STIMATE: variants seen among roughly 807,000 people sequenced by gnomAD.
STIMATE encodes store-operated calcium entry regulator STIMATE.
STIMATE carries 15 observed loss-of-function variants against 36.7 expected under a neutral mutation model. The ratio of observed to expected loss-of-function variants is 0.41; its 90% confidence interval spans 0.27 to 0.63. The LOEUF is 0.63. STIMATE is among the 20% of genes least tolerant of loss of function. STIMATE has a pLI of 0.32. For synonymous variants in STIMATE, 163 were observed against 162.3 expected (o/e 1.00, Z -0.03); for missense variants, 305 against 397.3 (o/e 0.77, Z 1.98).
intron 5 of STIMATE, 24 bp from the exon 6 acceptor site, chr3:52,843,822 G>C (rs770155066): frequency 6.2e-7 from 1 of 1,605,558 alleles, no homozygotes; most frequent in South Asian, 1.1e-5. Context: ...CAGACTCAGT[G>C]AGGTAGGGAG....
intron 1 of STIMATE, among the ~76,000 whole-genome samples, chr3:52,857,703 TTTATAA>T (rs1385055576): frequency 4.0e-5 from 6 of 150,890 alleles, no homozygotes; most frequent in South Asian, 2.1e-4. Context: ...TATAAATGGT[TTTATAA>T]TTATAAGTAA....
intron 1 of STIMATE, among the ~76,000 whole-genome samples, chr3:52,894,760 C>G (rs1032503229): frequency 6.6e-6 from 1 of 152,160 alleles, no homozygotes; most frequent in Admixed American, 6.5e-5. Flanking sequence ...ATAGTGTTGG[C>G]CATCAGGACT....
At chr3:52,865,495 G>A (rs1388806166) in intron 1 of STIMATE, among the ~76,000 whole-genome samples, 2 of 152,196 alleles carry the variant, frequency 1.3e-5, no homozygotes, top group Non-Finnish European at 2.9e-5. Flanking sequence ...CAGAATCATG[G>A]TGGGAGGCAA....
intron 2 of STIMATE, 47 bp from the exon 3 acceptor site, chr3:52,852,745 A>G: frequency 6.2e-7 from 1 of 1,602,678 alleles, no homozygotes; most frequent in Non-Finnish European, 8.5e-7. Context: ...CAGGAGCGCA[A>G]TATCCAATTT....
chr3:52,847,459 A>G (rs1278223563), intron 4 of STIMATE: 2 of 1,288,830 alleles, frequency 1.6e-6, no homozygotes, highest in African/African-American at 1.5e-5. Context: ...TGCAGACACC[A>G]TGCGTCACCT....
At chr3:52,890,244 C>T (rs192332078) in intron 1 of STIMATE, among the ~76,000 whole-genome samples, 6 of 152,234 alleles carry the variant, frequency 3.9e-5, no homozygotes, top group East Asian at 3.8e-4. Flanking sequence ...CTCAGCTCTT[C>T]GTCAAGGAAA....
intron 1 of STIMATE, among the ~76,000 whole-genome samples, chr3:52,863,874 T>G (rs1032246062): frequency 6.6e-6 from 1 of 152,258 alleles, no homozygotes; most frequent in Non-Finnish European, 1.5e-5. Flanking sequence ...CCTTTGATTC[T>G]AGGTCTCACA....
intron 3 of STIMATE, among the ~76,000 whole-genome samples, chr3:52,851,929 T>G (rs1216883155): frequency 6.6e-6 from 1 of 152,216 alleles, no homozygotes; most frequent in African/African-American, 2.4e-5. Flanking sequence ...TCTCTGTGCC[T>G]CAGTTCCACC....
intron 1 of STIMATE, among the ~76,000 whole-genome samples, chr3:52,871,344 G>A (rs1356434758): frequency 2.0e-5 from 3 of 152,110 alleles, no homozygotes; most frequent in Non-Finnish European, 4.4e-5. Context: ...TGCAGCGGGG[G>A]AGCAGAACCC....
intron 2 of STIMATE, among the ~76,000 whole-genome samples, chr3:52,854,980 G>A (rs969450299): frequency 2.0e-5 from 3 of 152,202 alleles, no homozygotes; most frequent in Admixed American, 6.5e-5. Flanking sequence ...AGAAAGACTC[G>A]TTTGGAGAGA....
chr3:52,893,114 C>T (rs376997790), intron 1 of STIMATE, among the ~76,000 whole-genome samples: 1 of 151,232 alleles, frequency 6.6e-6, no homozygotes, highest in Non-Finnish European at 1.5e-5. Flanking sequence ...TGACTGAAAA[C>T]GTAACCAGAC....
At chr3:52,847,520 C>T (rs1351702181) in intron 4 of STIMATE, 10 of 1,289,796 alleles carry the variant, frequency 7.8e-6, no homozygotes, top group Non-Finnish European at 1.0e-5. Flanking sequence ...CTGAGTCCCG[C>T]ATTCTCATCA....
intron 1 of STIMATE, among the ~76,000 whole-genome samples, chr3:52,860,844 G>C (rs571971123): frequency 6.6e-6 from 1 of 152,300 alleles, no homozygotes; most frequent in East Asian, 1.9e-4. Context: ...TGTTCCACGT[G>C]GTGGCGGGGG....
intron 1 of STIMATE, among the ~76,000 whole-genome samples, chr3:52,894,557 GAAACAAAC>G (rs1211949315): frequency 2.0e-5 from 3 of 152,040 alleles, no homozygotes; most frequent in Non-Finnish European, 2.9e-5. Context: ...TAAAAACAAA[GAAACAAAC>G]AAACAAAAAC....
intron 2 of STIMATE, among the ~76,000 whole-genome samples, chr3:52,854,530 A>G (rs1319293872): frequency 6.6e-6 from 1 of 152,242 alleles, no homozygotes; most frequent in African/African-American, 2.4e-5. Flanking sequence ...TCCTGTGCTC[A>G]GGACACTTCT....
rs1381283024 is a variant in STIMATE, at chr3:52,840,244, C to CA, written c.*249dup. On this transcript the variant is annotated 3_prime_UTR_variant, in exon 8 of 8. Transcript: ENST00000355083. Reference sequence around the variant, plus strand: ...ACAAACAAACACAGCTCCTTCCTTGCATATTTGGTCAGTGTTTGTAGTGCA... The same window carrying CA: ...ACAAACAAACACAGCTCCTTCCTTGCAATATTTGGTCAGTGTTTGTAGTGCA... The CA allele has an allele frequency of 1.1e-5, 4 of 348,776 alleles. No homozygotes were observed. Among genetic ancestry groups the CA allele is most frequent in the African/African-American group, 8.4e-5 (4 of 47,608 alleles). The allele number at this position is 348,776 out of a possible 1,614,324, so 21.6% of individuals were successfully genotyped here.
At position 52,837,835 on chromosome 3, in the gene STIMATE, G is replaced by A. The variant is rs1477198640; in HGVS notation, c.*2659C>T. 1 of 152,226 alleles carries A rather than the reference G, an allele frequency of 6.6e-6. No individual in the cohort carries two copies. Among genetic ancestry groups the A allele is most frequent in the East Asian group, 1.9e-4 (1 of 5,194 alleles). The allele number at this position is 152,226 out of a possible 1,614,324, so 9.4% of individuals were successfully genotyped here. ...CCTCGTAAGGCACCTTGGAGCAGGT[G>A]GAGAGGAAACTCATCCCAGGGAGGG... On this transcript the variant is annotated 3_prime_UTR_variant, in exon 8 of 8. Coordinates refer to ENST00000355083, the MANE Select transcript of STIMATE (RefSeq NM_198563.5).
intron 5 of STIMATE, among the ~76,000 whole-genome samples, chr3:52,844,580 C>T (rs907418436): frequency 1.4e-4 from 22 of 152,316 alleles, no homozygotes; most frequent in African/African-American, 4.8e-4. Flanking sequence ...GGTAGCAAGC[C>T]GAGGGCAGGG....
intron 4 of STIMATE, chr3:52,847,303 A>G: frequency 1.7e-6 from 2 of 1,188,270 alleles, no homozygotes; most frequent in South Asian, 1.6e-5. Context: ...AAGTCACAGC[A>G]ATAGGGGCCA....
Sources: allele counts gnomAD v4.1 joint callset (sites outside exome capture counted in the v4.1 genomes callset), GRCh38; gene constraint gnomAD v4.1.1; transcripts MANE v1.5; gene names NCBI Gene and HGNC (gene_info 2026-07-23, HGNC 2026-07-21).